The following ZBTB20 variants were observed in gnomAD, a reference collection of about 807,000 sequenced individuals.
The protein encoded by ZBTB20 is zinc finger and BTB domain containing 20.
ZBTB20 carries 9 observed loss-of-function variants against 56.9 expected under a neutral mutation model. The observed-to-expected ratio is 0.16, with a 90% CI of 0.10 to 0.28. The LOEUF (loss-of-function observed/expected upper bound fraction) is 0.28, where lower values mean the gene tolerates loss of function less well. Among genes scored for constraint, ZBTB20 ranks in the 10% least tolerant of loss-of-function variants. The pLI, the probability that ZBTB20 is intolerant of heterozygous loss-of-function variation, is 1.00. For synonymous variants in ZBTB20, 417 were observed against 420.7 expected (o/e 0.99, Z 0.11); for missense variants, 655 against 1,003.0 (o/e 0.65, Z 4.69).
chr3:114,770,358 T>C (rs1293354447), intron 5 of ZBTB20, among the ~76,000 whole-genome samples: 1 of 151,068 alleles, frequency 6.6e-6, no homozygotes, highest in Non-Finnish European at 1.5e-5. Context: ...GAAAATCACT[T>C]GAACCCAGGA....
At position 114,532,160 on chromosome 3, in the gene ZBTB20, G is replaced by A. The variant is rs547676519; in HGVS notation, c.-294-31769C>T. Among the ~76,000 whole-genome samples the A allele has an allele frequency of 7.1e-4, 108 of 152,288 alleles. 1 individual carries two copies. Among genetic ancestry groups the A allele is most frequent in the African/African-American group, 2.2e-3 (93 of 41,552 alleles). ...AGAACCACTCACTACCCTGGAATGG[G>A]GGCTGAAGCCAGGGAGCCAAGTGGT... On this transcript the variant is annotated intron_variant, in intron 6 of 11. Transcript: ENST00000675478.
chr3:114,667,350 A>G (rs1216350413), intron 6 of ZBTB20, among the ~76,000 whole-genome samples: 1 of 152,080 alleles, frequency 6.6e-6, no homozygotes, highest in East Asian at 1.9e-4. Context: ...AGACTTAAAG[A>G]GAGCCAGTGA....
At chr3:114,656,920 G>A (rs974865761) in intron 6 of ZBTB20, among the ~76,000 whole-genome samples, 3 of 152,052 alleles carry the variant, frequency 2.0e-5, no homozygotes, top group African/African-American at 7.2e-5. Flanking sequence ...GTGGATTATA[G>A]GCGTGAGCTA....
chr3:114,655,280 T>C (rs1209196834), intron 6 of ZBTB20, among the ~76,000 whole-genome samples: 2 of 142,060 alleles, frequency 1.4e-5, no homozygotes, highest in East Asian at 2.0e-4. Context: ...GAGTCTCGCT[T>C]TGTCGCCCAG....
chr3:114,410,214 A>G (rs1474579180), intron 7 of ZBTB20, among the ~76,000 whole-genome samples: 1 of 151,186 alleles, frequency 6.6e-6, no homozygotes, highest in East Asian at 1.9e-4. Context: ...TAAAAAGTCA[A>G]CCCACTTTTT....
chr3:114,815,323 T>G (rs2108895001), intron 4 of ZBTB20, among the ~76,000 whole-genome samples: 1 of 152,246 alleles, frequency 6.6e-6, no homozygotes. Flanking sequence ...ACATGCCCAT[T>G]GCAAAAACAA....
At chr3:114,387,014 T>C (rs115747189) in intron 8 of ZBTB20, among the ~76,000 whole-genome samples, 2,060 of 152,290 alleles carry the variant, frequency 0.014, 26 homozygotes, top group South Asian at 0.032. Flanking sequence ...TGGCACATAG[T>C]AAATGGTCAG....
chr3:115,059,049 C>G (rs1039753390), intron 2 of ZBTB20, among the ~76,000 whole-genome samples: 1 of 152,110 alleles, frequency 6.6e-6, no homozygotes, highest in Non-Finnish European at 1.5e-5. Flanking sequence ...TTATGCCACT[C>G]ATTTCTCTCC....
At chr3:114,774,655 ACT>A (rs1433328627) in intron 5 of ZBTB20, among the ~76,000 whole-genome samples, 4 of 152,078 alleles carry the variant, frequency 2.6e-5, no homozygotes, top group African/African-American at 9.7e-5. Flanking sequence ...AATCTCGCCA[ACT>A]CTCTTTTTAA....
At chr3:114,576,326 C>T (rs1215847953) in intron 6 of ZBTB20, among the ~76,000 whole-genome samples, 2 of 151,236 alleles carry the variant, frequency 1.3e-5, no homozygotes, top group East Asian at 1.9e-4. Flanking sequence ...AGTGAAACCC[C>T]GTCTCTACTA....
chr3:114,703,732 T>C (rs1341062630), intron 5 of ZBTB20, among the ~76,000 whole-genome samples: 1 of 152,152 alleles, frequency 6.6e-6, no homozygotes, highest in Non-Finnish European at 1.5e-5. Context: ...TAAAGACAAT[T>C]GCAAGTGTCC....
chr3:114,779,787 C>G (rs545381146), intron 5 of ZBTB20, among the ~76,000 whole-genome samples: 1 of 152,254 alleles, frequency 6.6e-6, no homozygotes, highest in South Asian at 2.1e-4. Flanking sequence ...AGGAATCTTA[C>G]AAATGAACAA....
chr3:114,632,014 A>C (rs932282834), intron 6 of ZBTB20, among the ~76,000 whole-genome samples: 7 of 152,198 alleles, frequency 4.6e-5, no homozygotes, highest in African/African-American at 1.7e-4. Flanking sequence ...AGAAAAGCTA[A>C]TTGGGTGAGG....
chr3:114,351,881 G>A lies in ZBTB20; in HGVS notation c.200-3C>T, dbSNP rs1227838652. The A allele has an allele frequency of 6.3e-7, 1 of 1,584,378 alleles. No individual in the cohort carries two copies. The highest frequency in any genetic ancestry group is 8.6e-7 in the Non-Finnish European group (1 of 1,159,872). On this transcript the variant is annotated splice_region_variant and splice_polypyrimidine_tract_variant and intron_variant, in intron 10 of 11. Transcript: ENST00000675478. ...CATCCCCTTGCAACTGATGTCACCT[G>A]CAGCATGTCAACGCAGACACAAAAC...
intron 2 of ZBTB20, among the ~76,000 whole-genome samples, chr3:115,060,403 C>T (rs2081972800): frequency 6.6e-6 from 1 of 152,120 alleles, no homozygotes; most frequent in Non-Finnish European, 1.5e-5. Flanking sequence ...AAACCCTATC[C>T]GTAATTCCAT....
Position 114,628,049 on chromosome 3 carries a change from G to T in ZBTB20, c.-295+65479C>A, listed in dbSNP as rs534544723. The stretch of plus-strand genomic sequence containing the variant: ...CAGTCTCTTCATTGAAAAATGATAG[G>T]GTAGGACTGCATAAACTCCATAGTC... On this transcript the variant is annotated intron_variant, in intron 6 of 11. Coordinates refer to ENST00000675478, the MANE Select transcript of ZBTB20 (RefSeq NM_001348800.3). Among the ~76,000 whole-genome samples the T allele has an allele frequency of 2.0e-5, 3 of 152,150 alleles. No individual in the cohort carries two copies. The East Asian group carries it at 5.8e-4, about 29-fold the overall frequency.
At chr3:114,713,444 G>T (rs1006880966) in intron 5 of ZBTB20, among the ~76,000 whole-genome samples, 1 of 152,134 alleles carries the variant, frequency 6.6e-6, no homozygotes, top group Non-Finnish European at 1.5e-5. Context: ...AGTAAGGCAA[G>T]ATCTACAGAA....
intron 4 of ZBTB20, among the ~76,000 whole-genome samples, chr3:114,834,770 T>TCGGACC (rs2074036884): frequency 6.6e-6 from 1 of 152,066 alleles, no homozygotes; most frequent in African/African-American, 2.4e-5. Context: ...AGAGTCCCGT[T>TCGGACC]CTTTGTCTGA....
At chr3:114,438,674 T>A (rs1271539292) in intron 7 of ZBTB20, among the ~76,000 whole-genome samples, 2 of 152,148 alleles carry the variant, frequency 1.3e-5, no homozygotes, top group African/African-American at 4.8e-5. Flanking sequence ...TTTCAATTGG[T>A]ATGCTAGGGA....
Sources: gnomAD v4.1 joint callset for allele counts (sites outside exome capture counted in the v4.1 genomes callset) on GRCh38, gnomAD v4.1.1 for gene constraint, MANE v1.5 for transcripts, NCBI Gene and HGNC (gene_info 2026-07-23, HGNC 2026-07-21) for gene names.